CTNNA2: variants seen among roughly 807,000 people sequenced by gnomAD.
CTNNA2 encodes catenin alpha 2.
Under a neutral mutation model 101.0 loss-of-function variants are expected in CTNNA2, and 42 were observed. The ratio of observed to expected loss-of-function variants is 0.42; its 90% CI spans 0.32 to 0.54. The LOEUF is 0.54. Ranked by LOEUF, CTNNA2 falls within the 20% of genes least tolerant of loss-of-function variation. CTNNA2 has a pLI of 0.14. For missense variants in CTNNA2, 871 were observed against 1,223.1 expected, an observed-to-expected ratio of 0.71 and a Z score of 4.29; for synonymous variants, 450 against 456.4, an observed-to-expected ratio of 0.99 and a Z score of 0.18.
intron 8 of CTNNA2, among the ~76,000 whole-genome samples, chr2:80,396,597 C>G (rs1559074817): frequency 6.6e-6 from 1 of 152,182 alleles, no homozygotes; most frequent in South Asian, 2.1e-4. Flanking sequence ...TGCTCTGTGC[C>G]ACCTATGAAC....
chr2:79,833,193 T>C lies in CTNNA2; in HGVS notation c.299-24820T>C, dbSNP rs113611804. On this transcript the variant is annotated intron_variant, in intron 3 of 18. Coordinates refer to ENST00000402739, the MANE Select transcript of CTNNA2 (RefSeq NM_001282597.3). Reference sequence around the variant, plus strand: ...TAAACCTGAGTTTGGAATCCAATTCTGTGGATCACAAGATAATTTTTACTG... The same window carrying C: ...TAAACCTGAGTTTGGAATCCAATTCCGTGGATCACAAGATAATTTTTACTG... 4.7e-3 allele frequency among the ~76,000 whole-genome samples: 723 copies of C among 152,340 alleles called. 6 individuals are homozygous for C. Among genetic ancestry groups the C allele is most frequent in the African/African-American group, 0.016 (677 of 41,580 alleles).
At chr2:79,848,525 A>C (rs757348087) in intron 3 of CTNNA2, among the ~76,000 whole-genome samples, 1 of 152,150 alleles carries the variant, frequency 6.6e-6, no homozygotes, top group Non-Finnish European at 1.5e-5. Flanking sequence ...ACAATGTAAA[A>C]TTACCCTACA....
chr2:80,114,249 A>G (rs1701386691), intron 7 of CTNNA2, among the ~76,000 whole-genome samples: 1 of 152,236 alleles, frequency 6.6e-6, no homozygotes, highest in Admixed American at 6.5e-5. Context: ...TGCAATAGGA[A>G]TCGGTTGGGT....
intron 7 of CTNNA2, among the ~76,000 whole-genome samples, chr2:80,015,514 A>G (rs1352863344): frequency 6.6e-6 from 1 of 152,006 alleles, no homozygotes; most frequent in Non-Finnish European, 1.5e-5. Flanking sequence ...CATTATCCAT[A>G]GTTGAGGGGG....
At chr2:80,551,683 G>T (rs1692567184) in intron 11 of CTNNA2, among the ~76,000 whole-genome samples, 1 of 152,148 alleles carries the variant, frequency 6.6e-6, no homozygotes, top group African/African-American at 2.4e-5. Flanking sequence ...TTAGGATCTT[G>T]GTCAAGATTG....
intron 3 of CTNNA2, among the ~76,000 whole-genome samples, chr2:79,802,648 A>T (rs151266170): frequency 6.6e-4 from 100 of 152,354 alleles, no homozygotes; most frequent in African/African-American, 2.3e-3. Flanking sequence ...AGAATGAAGC[A>T]AGGAGACTCA....
At chr2:79,476,639 T>G (rs1194405260) in intron 4 of CTNNA2, among the ~76,000 whole-genome samples, 1 of 152,204 alleles carries the variant, frequency 6.6e-6, no homozygotes, top group African/African-American at 2.4e-5. Flanking sequence ...CCAACTTGAC[T>G]TCTATCCCAA....
intron 7 of CTNNA2, among the ~76,000 whole-genome samples, chr2:80,189,209 C>T (rs1213238622): frequency 6.6e-6 from 1 of 152,166 alleles, no homozygotes; most frequent in African/African-American, 2.4e-5. Context: ...CTGCCTTGGC[C>T]TTCCAAAGTG....
chr2:79,823,389 G>A (rs990328604), intron 3 of CTNNA2, among the ~76,000 whole-genome samples: 6 of 152,098 alleles, frequency 3.9e-5, no homozygotes, highest in Admixed American at 1.3e-4. Flanking sequence ...ATGGTATTGC[G>A]TGCTGCTAGT....
At chr2:79,278,171 C>T (rs970325130) in intron 2 of CTNNA2, among the ~76,000 whole-genome samples, 4 of 151,972 alleles carry the variant, frequency 2.6e-5, no homozygotes, top group Admixed American at 6.5e-5. Flanking sequence ...AAGCAGCTGG[C>T]GTGGATGGAG....
intron 9 of CTNNA2, among the ~76,000 whole-genome samples, chr2:80,541,464 G>T (rs945423700): frequency 2.6e-5 from 4 of 152,106 alleles, no homozygotes; most frequent in African/African-American, 9.7e-5. Context: ...GATTCTGTTG[G>T]GTGAGGAGTT....
At chr2:79,236,731 G>C (rs1558582641) in intron 2 of CTNNA2, among the ~76,000 whole-genome samples, 1 of 152,204 alleles carries the variant, frequency 6.6e-6, no homozygotes, top group South Asian at 2.1e-4. Flanking sequence ...AATTGATGCT[G>C]TTGTAGATTC....
rs70940076 is a variant in CTNNA2, at chr2:80,199,182, G to GAAAAA, written c.1057-194005_1057-194001dup. ...GGAGACAGAGTGAGACTCCATCTCA[G>GAAAAA]AAAAAAAAAAAAAAAAAAAAAAAAA... On this transcript the variant is annotated intron_variant, in intron 7 of 18. Transcript: ENST00000402739. 3.2e-4 allele frequency among the ~76,000 whole-genome samples: 13 copies of GAAAAA among 40,060 alleles called. 1 individual carries two copies. The highest frequency in any genetic ancestry group is 7.7e-4 in the African/African-American group (9 of 11,718). 26.3% of individuals were successfully genotyped at this position (40,060 alleles called of 152,430 possible).
At chr2:79,368,938 C>T (rs1009472080) in intron 3 of CTNNA2, among the ~76,000 whole-genome samples, 2 of 152,148 alleles carry the variant, frequency 1.3e-5, no homozygotes, top group African/African-American at 4.8e-5. Flanking sequence ...CCCTAAAAGG[C>T]CTGGATGATG....
At chr2:79,512,676 A>T (rs954688160), upstream of CTNNA2, among the ~76,000 whole-genome samples, 14 of 151,254 alleles carry the variant, frequency 9.3e-5, no homozygotes, top group East Asian at 2.0e-3. Context: ...GTTGTCATGG[A>T]CACGGCACCT....
intron 3 of CTNNA2, among the ~76,000 whole-genome samples, chr2:79,851,244 T>C (rs1439832362): frequency 1.3e-5 from 2 of 152,234 alleles, no homozygotes; most frequent in African/African-American, 4.8e-5. Context: ...TTGTCTCAAA[T>C]GAAGATATTT....
At chr2:80,003,709 T>C (rs1387959200) in intron 7 of CTNNA2, among the ~76,000 whole-genome samples, 2 of 152,190 alleles carry the variant, frequency 1.3e-5, no homozygotes, top group Admixed American at 6.5e-5. Context: ...GATTTGCAGC[T>C]CTGCCCACGC....
intron 7 of CTNNA2, among the ~76,000 whole-genome samples, chr2:79,910,489 G>C (rs533852342): frequency 6.6e-6 from 1 of 152,156 alleles, no homozygotes; most frequent in Non-Finnish European, 1.5e-5. Flanking sequence ...GCCTTGAAAG[G>C]CACTAAATTA....
chr2:80,611,294 G>C (rs775629536), intron 17 of CTNNA2, among the ~76,000 whole-genome samples: 17 of 150,992 alleles, frequency 1.1e-4, no homozygotes, highest in Non-Finnish European at 2.2e-4. Context: ...ATTGAAAGCA[G>C]AAAGAAAGAT....
Sources: gnomAD v4.1 joint callset for allele counts (sites outside exome capture counted in the v4.1 genomes callset) on GRCh38, gnomAD v4.1.1 for gene constraint, MANE v1.5 for transcripts, NCBI Gene and HGNC (gene_info 2026-07-23, HGNC 2026-07-21) for gene names.